Variants in C3orf22 observed in about 807,000 individuals in gnomAD.
C3orf22 encodes uncharacterized protein C3orf22.
Under a neutral mutation model 10.8 loss-of-function variants are expected in C3orf22, and 7 were observed. That is an observed-to-expected ratio of 0.65 (90% confidence interval 0.37 to 1.22). The LOEUF is 1.22. Among genes scored for constraint, C3orf22 ranks in the 50% most tolerant of loss-of-function variants. The pLI is 0.02. For synonymous variants in C3orf22, 79 were observed against 78.9 expected (o/e 1.00, Z 0.00); for missense variants, 173 against 177.0 (o/e 0.98, Z 0.13).
chr3:126,534,418 C>T (rs773468434), intron 4 of C3orf22, among the ~76,000 whole-genome samples: 6 of 152,146 alleles, frequency 3.9e-5, no homozygotes, highest in Non-Finnish European at 8.8e-5. Context: ...GACAGCATCC[C>T]TGTCCTCATC....
At position 126,552,064 on chromosome 3, in the gene C3orf22, C is replaced by T. The variant is rs777672252; in HGVS notation, c.148G>A (p.Asp50Asn). The T allele has an allele frequency of 1.2e-5, 20 of 1,613,698 alleles. No individual in the cohort carries two copies. Among genetic ancestry groups the T allele is most frequent in the Middle Eastern group, 3.3e-4 (2 of 6,082 alleles). ...AGGGGCAGCTGCACCGTGTTCGAGT[C>T]GTTTGTGACCTCCCAGGGCTGCAGG... is the stretch of plus-strand genomic sequence containing the variant. ...EPLQPWEVTN[D>N]SNTVQLPLQK... is the part of the protein sequence containing the mutation. Residue 50 changes from aspartate (D) to asparagine (N), a missense_variant, in exon 3 of 4, where the codon GAC becomes AAC. Coordinates refer to ENST00000318225, the MANE Select transcript of C3orf22 (RefSeq NM_152533.3).
chr3:126,551,264 C>T (rs1411137761), intron 3 of C3orf22, among the ~76,000 whole-genome samples: 2 of 152,108 alleles, frequency 1.3e-5, no homozygotes, highest in Non-Finnish European at 2.9e-5. Flanking sequence ...CTGCCCCTGA[C>T]ATTAACTGGA....
chr3:126,542,768 G>A (rs1936999836), intron 4 of C3orf22: 5 of 780,524 alleles, frequency 6.4e-6, no homozygotes, highest in South Asian at 7.0e-5. Flanking sequence ...GGCCCTGCAC[G>A]CGTGTGCCTG....
intron 4 of C3orf22, chr3:126,543,061 G>C (rs981141327): frequency 6.6e-6 from 1 of 152,392 alleles, no homozygotes; most frequent in Non-Finnish European, 1.5e-5. Flanking sequence ...TCACGATGGG[G>C]CCGTCCCGGG....
intron 4 of C3orf22, among the ~76,000 whole-genome samples, chr3:126,534,259 G>A (rs1318654036): frequency 6.6e-6 from 1 of 152,152 alleles, no homozygotes; most frequent in Admixed American, 6.5e-5. Context: ...ATATTACTGA[G>A]AACATATTAA....
At chr3:126,537,615 G>C (rs955742843) in intron 4 of C3orf22, among the ~76,000 whole-genome samples, 9 of 152,174 alleles carry the variant, frequency 5.9e-5, no homozygotes, top group African/African-American at 2.2e-4. Flanking sequence ...GCTGACGGTA[G>C]GACAGGCACT....
chr3:126,555,934 A>C (rs1407776514), intron 1 of C3orf22, among the ~76,000 whole-genome samples: 4 of 152,124 alleles, frequency 2.6e-5, no homozygotes, highest in Non-Finnish European at 5.9e-5. Context: ...GCCCTGAGGA[A>C]TGTCTGCCTC....
At chr3:126,540,355 A>G (rs72982024) in intron 4 of C3orf22, among the ~76,000 whole-genome samples, 1 of 152,008 alleles carries the variant, frequency 6.6e-6, no homozygotes, top group Non-Finnish European at 1.5e-5. Context: ...GCCCAGTGTC[A>G]GTCCATCAGC....
intron 4 of C3orf22, chr3:126,542,891 G>T (rs552129105): frequency 8.3e-6 from 2 of 241,502 alleles, no homozygotes; most frequent in East Asian, 1.8e-4. Context: ...GCTTTTAAAG[G>T]CCATTTTGGG....
downstream of C3orf22, among the ~76,000 whole-genome samples, chr3:126,545,180 T>C (rs528870406): frequency 6.6e-6 from 1 of 152,380 alleles, no homozygotes; most frequent in African/African-American, 2.4e-5. Flanking sequence ...AGGCAAGTGA[T>C]TGTTAAAACC....
At chr3:126,527,246 C>T (rs1576744542) in exon 6 of C3orf22, 1 of 152,248 alleles carries the variant, frequency 6.6e-6, no homozygotes, top group Admixed American at 6.5e-5. Flanking sequence ...TGTGGGCCAC[C>T]CAATGGCACA....
chr3:126,547,482 G>A (rs1260739494), downstream of C3orf22, among the ~76,000 whole-genome samples: 1 of 152,232 alleles, frequency 6.6e-6, no homozygotes, highest in Non-Finnish European at 1.5e-5. Context: ...CCCAGGAGAG[G>A]AGGCACGAAT....
chr3:126,529,335 G>A (rs1431744105), exon 5 of C3orf22: 2 of 1,289,364 alleles, frequency 1.6e-6, no homozygotes, highest in Non-Finnish European at 2.0e-6. Flanking sequence ...CCCTGGGCTG[G>A]TATTTCCTCA....
At chr3:126,543,554 C>G (rs1323948734) in intron 4 of C3orf22, among the ~76,000 whole-genome samples, 1 of 152,162 alleles carries the variant, frequency 6.6e-6, no homozygotes, top group Non-Finnish European at 1.5e-5. Context: ...TCTACTCTTT[C>G]ACCCTGACCT....
intron 4 of C3orf22, chr3:126,542,026 C>G (rs767401839): frequency 5.9e-5 from 92 of 1,569,696 alleles, no homozygotes; most frequent in Admixed American, 1.8e-5. Context: ...TCAGCCCCGC[C>G]GAGATCAACC....
intron 4 of C3orf22, among the ~76,000 whole-genome samples, chr3:126,540,100 G>C (rs12631430): frequency 0.99 from 149,931 of 151,504 alleles, 74,200 homozygotes; most frequent in Non-Finnish European, 1. Flanking sequence ...CACACGCACA[G>C]GACACACACG....
intron 4 of C3orf22, among the ~76,000 whole-genome samples, chr3:126,532,726 T>C (rs1936683676): frequency 1.3e-5 from 2 of 152,242 alleles, no homozygotes; most frequent in Non-Finnish European, 2.9e-5. Flanking sequence ...TGTTCTTTTT[T>C]GAGATTCTTT....
intron 4 of C3orf22, among the ~76,000 whole-genome samples, chr3:126,539,055 T>C (rs1444862146): frequency 2.0e-5 from 3 of 152,160 alleles, no homozygotes; most frequent in African/African-American, 4.8e-5. Context: ...CAGTAACTTC[T>C]TGAGAATCTC....
rs561363997 is a variant in C3orf22, at chr3:126,531,744, G to T, written c.287-2372C>A. ...GGATTTGGGTTGTTTCCATTTTGGGGCTATCATGAATAATGCTGATGGGAA... is the reference window on the plus strand; with the variant it reads ...GGATTTGGGTTGTTTCCATTTTGGGTCTATCATGAATAATGCTGATGGGAA... On this transcript the variant is annotated intron_variant and NMD_transcript_variant, in intron 4 of 5. Transcript: ENST00000505070. 1.1e-3 allele frequency among the ~76,000 whole-genome samples: 170 copies of T among 152,254 alleles called. No homozygotes were observed. The Middle Eastern group carries it at 0.041, about 37-fold the overall frequency.
Sources: allele counts gnomAD v4.1 joint callset (sites outside exome capture counted in the v4.1 genomes callset), GRCh38; gene constraint gnomAD v4.1.1; transcripts MANE v1.5; gene names NCBI Gene and HGNC (gene_info 2026-07-23, HGNC 2026-07-21).